The following CAMK4 variants were observed in gnomAD, a reference collection of about 807,000 sequenced individuals.
CAMK4 encodes calcium/calmodulin-dependent protein kinase type IV.
A neutral mutation model predicts 44.9 loss-of-function variants in CAMK4; 22 were observed. The ratio of observed to expected loss-of-function variants is 0.49; its 90% CI spans 0.35 to 0.70. The LOEUF (loss-of-function observed/expected upper bound fraction) is 0.70, where lower values mean the gene tolerates loss of function less well. CAMK4 is among the 30% of genes least tolerant of loss of function. CAMK4 has a pLI of 0.01. For synonymous variants in CAMK4, 218 were observed against 215.4 expected (o/e 1.01, Z -0.11); for missense variants, 498 against 586.8 (o/e 0.85, Z 1.56).
chr5:111,372,396 C>A (rs963950207), intron 2 of CAMK4, among the ~76,000 whole-genome samples: 3 of 152,196 alleles, frequency 2.0e-5, no homozygotes, highest in Admixed American at 6.5e-5. Flanking sequence ...ATAAATCAAG[C>A]AAGGCTAATG....
At chr5:111,236,031 A>C (rs781679119) in intron 1 of CAMK4, among the ~76,000 whole-genome samples, 13 of 152,184 alleles carry the variant, frequency 8.5e-5, no homozygotes, top group Non-Finnish European at 1.9e-4. Context: ...TTTGGGCATA[A>C]AGCCCCGCAC....
intron 2 of CAMK4, among the ~76,000 whole-genome samples, chr5:111,356,432 A>G (rs1750358046): frequency 6.6e-6 from 1 of 152,158 alleles, no homozygotes. Flanking sequence ...GGTTGCGGAA[A>G]TTTTCTCCCA....
intron 5 of CAMK4, among the ~76,000 whole-genome samples, chr5:111,443,292 A>G (rs1753903784): frequency 7.6e-6 from 1 of 132,126 alleles, no homozygotes; most frequent in Admixed American, 7.9e-5. Flanking sequence ...ACACACACAC[A>G]CACACACACA....
At chr5:111,278,462 A>G (rs1429080564) in intron 1 of CAMK4, among the ~76,000 whole-genome samples, 1 of 152,250 alleles carries the variant, frequency 6.6e-6, no homozygotes, top group Non-Finnish European at 1.5e-5. Flanking sequence ...ATCTTAATGG[A>G]AGAAATAAAA....
At chr5:111,300,071 T>A (rs1747656581) in intron 1 of CAMK4, among the ~76,000 whole-genome samples, 1 of 152,220 alleles carries the variant, frequency 6.6e-6, no homozygotes, top group African/African-American at 2.4e-5. Flanking sequence ...TTTGTCACTT[T>A]CATCCATGAT....
intron 1 of CAMK4, among the ~76,000 whole-genome samples, chr5:111,338,846 G>A (rs946875027): frequency 6.6e-6 from 1 of 151,246 alleles, no homozygotes; most frequent in Non-Finnish European, 1.5e-5. Flanking sequence ...CCAGTACTAT[G>A]CTGTTTTGGT....
chr5:111,230,056 T>G (rs1748393248), intron 1 of CAMK4, among the ~76,000 whole-genome samples: 1 of 152,216 alleles, frequency 6.6e-6, no homozygotes, highest in Admixed American at 6.5e-5. Flanking sequence ...ACCCGCTTCC[T>G]CTTCTTTGAG....
At chr5:111,345,555 T>C (rs941050431) in intron 2 of CAMK4, among the ~76,000 whole-genome samples, 3 of 151,994 alleles carry the variant, frequency 2.0e-5, no homozygotes, top group Non-Finnish European at 4.4e-5. Context: ...CGATTTCTTA[T>C]TGGTTAAAAA....
chr5:111,483,145 T>A (rs1451338644), intron 10 of CAMK4, among the ~76,000 whole-genome samples: 1 of 152,160 alleles, frequency 6.6e-6, no homozygotes, highest in Non-Finnish European at 1.5e-5. Context: ...ATATGATTAA[T>A]AAAGGGAAAT....
intron 1 of CAMK4, among the ~76,000 whole-genome samples, chr5:111,287,911 C>G (rs563108289): frequency 1.4e-4 from 22 of 152,318 alleles, no homozygotes; most frequent in African/African-American, 5.1e-4. Context: ...TGCCAGCACT[C>G]CAGACGCCTC....
At position 111,392,835 on chromosome 5, in the gene CAMK4, A is replaced by T. The variant is rs528617586; in HGVS notation, c.387-1875A>T. Among the ~76,000 whole-genome samples the T allele has an allele frequency of 2.0e-5, 3 of 152,324 alleles. No homozygotes were observed. In the East Asian group the frequency reaches 5.8e-4, roughly 29 times the overall value. On this transcript the variant is annotated intron_variant, in intron 4 of 10. Coordinates refer to ENST00000282356, the MANE Select transcript of CAMK4 (RefSeq NM_001744.6). ...CTAGGTCTGAGGCAGCAAATGTACAAAATAAGTCTCAGGTATTATATTATA... is the reference window on the plus strand; with the variant it reads ...CTAGGTCTGAGGCAGCAAATGTACATAATAAGTCTCAGGTATTATATTATA...
intron 1 of CAMK4, among the ~76,000 whole-genome samples, chr5:111,271,444 G>T (rs1750514526): frequency 6.6e-6 from 1 of 152,134 alleles, no homozygotes; most frequent in Admixed American, 6.5e-5. Flanking sequence ...TAGCTAATGT[G>T]TAGTTGCTGA....
At chr5:111,460,265 C>CTTTTTTTTTTTTTTTTTT (rs200566906) in intron 7 of CAMK4, among the ~76,000 whole-genome samples, 4 of 122,714 alleles carry the variant, frequency 3.3e-5, no homozygotes, top group Non-Finnish European at 6.7e-5. Context: ...CTTTTCTTTT[C>CTTTTTTTTTTTTTTTTTT]TTTTTCTTTT....
At chr5:111,470,986 A>G (rs915821700) in intron 7 of CAMK4, among the ~76,000 whole-genome samples, 1 of 152,178 alleles carries the variant, frequency 6.6e-6, no homozygotes, top group Admixed American at 6.5e-5. Context: ...CTTGCTCTTT[A>G]CCAATCTGCT....
At chr5:111,364,616 T>C (rs773697131) in intron 2 of CAMK4, among the ~76,000 whole-genome samples, 2 of 152,114 alleles carry the variant, frequency 1.3e-5, no homozygotes, top group Non-Finnish European at 2.9e-5. Context: ...AGTTCTGAAA[T>C]AGAAGTGTCT....
At chr5:111,246,860 A>G (rs930247189) in intron 1 of CAMK4, among the ~76,000 whole-genome samples, 5 of 152,320 alleles carry the variant, frequency 3.3e-5, no homozygotes, top group African/African-American at 9.6e-5. Flanking sequence ...GTGTGTGTGC[A>G]TGCTGTTAGA....
chr5:111,312,812 G>T (rs1383854592), intron 1 of CAMK4, among the ~76,000 whole-genome samples: 1 of 152,126 alleles, frequency 6.6e-6, no homozygotes, highest in African/African-American at 2.4e-5. Context: ...AGAGCCCTAT[G>T]CTCATATGGT....
At chr5:111,245,697 T>A (rs1382529008) in intron 1 of CAMK4, among the ~76,000 whole-genome samples, 1 of 152,244 alleles carries the variant, frequency 6.6e-6, no homozygotes, top group Admixed American at 6.5e-5. Context: ...GTAAATTTGT[T>A]GATAATACAG....
chr5:111,412,415 T>C (rs947837433), intron 5 of CAMK4, among the ~76,000 whole-genome samples: 2 of 152,236 alleles, frequency 1.3e-5, no homozygotes, highest in Admixed American at 6.5e-5. Context: ...CCCTGTTGTT[T>C]TTGAACATTT....
Sources: gnomAD v4.1 joint callset for allele counts (sites outside exome capture counted in the v4.1 genomes callset) on GRCh38, gnomAD v4.1.1 for gene constraint, MANE v1.5 for transcripts, NCBI Gene and HGNC (gene_info 2026-07-23, HGNC 2026-07-21) for gene names.